PREX1: variants seen among roughly 807,000 people sequenced by gnomAD.
The protein encoded by PREX1 is phosphatidylinositol 3,4,5-trisphosphate-dependent Rac exchanger 1 protein.
A neutral mutation model predicts 198.3 loss-of-function variants in PREX1; 41 were observed. The observed-to-expected ratio is 0.21, with a 90% CI of 0.16 to 0.27. PREX1 has a LOEUF of 0.27. Ranked by LOEUF, PREX1 falls within the 10% of genes least tolerant of loss-of-function variation. The pLI is 1.00. For synonymous variants in PREX1, 843 were observed against 887.2 expected (o/e 0.95, Z 0.89); for missense variants, 1,620 against 2,200.7 (o/e 0.74, Z 5.28).
Position 48,773,246 on chromosome 20 carries a change from G to A in PREX1, c.220-25366C>T, listed in dbSNP as rs182433324. Reference sequence around the variant, plus strand: ...CACGCCACTGCACTCCAGCCTGAGTGATAGAGTGAGACTTGGTCTCAAAAA... The same window carrying A: ...CACGCCACTGCACTCCAGCCTGAGTAATAGAGTGAGACTTGGTCTCAAAAA... On this transcript the variant is annotated intron_variant, in intron 1 of 39. Transcript: ENST00000371941. Among the ~76,000 whole-genome samples the A allele has an allele frequency of 1.1e-4, 13 of 122,080 alleles. No homozygotes were observed. The East Asian group carries it at 3.2e-3, about 30-fold the overall frequency. The allele number at this position is 122,080 out of a possible 152,430, so 80.1% of individuals were successfully genotyped here.
chr20:48,729,791 A>C (rs1320103528), intron 4 of PREX1, among the ~76,000 whole-genome samples: 1 of 152,208 alleles, frequency 6.6e-6, no homozygotes, highest in African/African-American at 2.4e-5. Flanking sequence ...CAGTCGGTTG[A>C]ATGGTGTTCC....
intron 5 of PREX1, among the ~76,000 whole-genome samples, chr20:48,715,964 T>C (rs1042006223): frequency 2.0e-5 from 3 of 152,136 alleles, no homozygotes; most frequent in African/African-American, 7.2e-5. Context: ...AAAGTGGGAC[T>C]TGGCAGATGC....
At chr20:48,759,275 C>T (rs2090168290) in intron 1 of PREX1, among the ~76,000 whole-genome samples, 1 of 152,006 alleles carries the variant, frequency 6.6e-6, no homozygotes, top group South Asian at 2.1e-4. Flanking sequence ...GCAGGCCAGG[C>T]GCGGTAGCTC....
At chr20:48,669,418 T>G (rs531504832) in intron 14 of PREX1, among the ~76,000 whole-genome samples, 41 of 152,282 alleles carry the variant, frequency 2.7e-4, no homozygotes, top group Non-Finnish European at 4.7e-4. Context: ...AACTCACCCA[T>G]GTATACATTT....
chr20:48,813,309 T>C (rs1388564901), intron 1 of PREX1, among the ~76,000 whole-genome samples: 2 of 152,220 alleles, frequency 1.3e-5, no homozygotes, highest in Non-Finnish European at 2.9e-5. Flanking sequence ...GGGACAAGCA[T>C]GAGCACATCT....
chr20:48,757,666 G>A (rs2090161172), intron 1 of PREX1, among the ~76,000 whole-genome samples: 1 of 152,000 alleles, frequency 6.6e-6, no homozygotes, highest in African/African-American at 2.4e-5. Flanking sequence ...CCGGCCCCCA[G>A]GATCCAGCCA....
At chr20:48,655,247 C>A in intron 19 of PREX1, 43 bp downstream of exon 19, 1 of 1,479,500 alleles carries the variant, frequency 6.8e-7, no homozygotes, top group Admixed American at 1.9e-5. Flanking sequence ...ACAGATCCAC[C>A]ATCTTCTGCA....
upstream of PREX1, among the ~76,000 whole-genome samples, chr20:48,831,661 A>G (rs949768941): frequency 6.6e-6 from 1 of 152,242 alleles, no homozygotes; most frequent in Admixed American, 6.5e-5. Context: ...TGGTGTGTCC[A>G]GTCAAGAGCA....
At chr20:48,850,558 C>T in the PREX1 span, among the ~76,000 whole-genome samples, 1 of 152,064 alleles carries the variant, frequency 6.6e-6, no homozygotes, top group East Asian at 1.9e-4. Context: ...GCCAACTGCT[C>T]TTCTGAGAAA....
At chr20:48,757,718 G>C (rs2090161353) in intron 1 of PREX1, among the ~76,000 whole-genome samples, 2 of 152,178 alleles carry the variant, frequency 1.3e-5, no homozygotes, top group African/African-American at 2.4e-5. Context: ...TAAATGTCCA[G>C]TGAAGGGGTG....
At position 48,637,745 on chromosome 20, in the gene PREX1, C is replaced by CT; in HGVS notation, c.3911dup (p.Asn1305GlufsTer110). On this transcript the variant is annotated frameshift_variant, in exon 31 of 40. Transcript: ENST00000371941. LOFTEE classifies it high-confidence loss of function. ...TCAGCAAGGCCAGGAGCAGCTGGTT[C>CT]TTCCCATCTGGAAGGAGAAGGGAGA... 6.2e-7 allele frequency: 1 copy of CT among 1,612,284 alleles called. No homozygotes were observed. Among genetic ancestry groups the CT allele is most frequent in the Non-Finnish European group, 8.5e-7 (1 of 1,179,382 alleles).
chr20:48,663,321 A>C (rs1045608180), intron 15 of PREX1, among the ~76,000 whole-genome samples: 1 of 152,176 alleles, frequency 6.6e-6, no homozygotes, highest in East Asian at 1.9e-4. Flanking sequence ...CACGTGGCTC[A>C]CTCTGCCAAG....
intron 1 of PREX1, among the ~76,000 whole-genome samples, chr20:48,778,193 A>G (rs1248426583): frequency 1.3e-5 from 2 of 152,218 alleles, no homozygotes; most frequent in African/African-American, 2.4e-5. Context: ...CTTAATTCTA[A>G]TATGTTCATG....
At chr20:48,882,525 A>AAAAAAAAAG in the PREX1 span, among the ~76,000 whole-genome samples, 25 of 97,844 alleles carry the variant, frequency 2.6e-4, 1 homozygote, top group Admixed American at 3.9e-4. Flanking sequence ...AAAAAAAAAA[A>AAAAAAAAAG]AGAGAGAATC....
At position 48,734,528 on chromosome 20, in the gene PREX1, G is replaced by C. The variant is rs2090048620; in HGVS notation, c.519+18C>G. ...AGGCCGAGTGCAAGGGAGCACCAGG[G>C]CTGACGGGTCAACTTACCAAAAGGA... On this transcript the variant is annotated intron_variant, in intron 4 of 39. Transcript: ENST00000371941. 1 of 1,607,760 alleles carries C rather than the reference G, an allele frequency of 6.2e-7. No homozygotes were observed.
intron 5 of PREX1, among the ~76,000 whole-genome samples, chr20:48,724,115 G>A (rs143035909): frequency 2.0e-5 from 3 of 152,194 alleles, no homozygotes; most frequent in African/African-American, 7.2e-5. Context: ...CAGCACTTTG[G>A]CAGTTTAACT....
At chr20:48,652,441 A>G (rs1866738533) in intron 21 of PREX1, 145 bp downstream of exon 21, 1 of 1,209,998 alleles carries the variant, frequency 8.3e-7, no homozygotes, top group African/African-American at 1.5e-5. Context: ...ACCTGTCTCC[A>G]AAAAGGAAAA....
chr20:48,747,524 G>A (rs1455184793), intron 2 of PREX1, among the ~76,000 whole-genome samples: 8 of 152,238 alleles, frequency 5.3e-5, no homozygotes, highest in Admixed American at 5.2e-4. Context: ...CGAGGAGCCC[G>A]GAAGACTGGG....
At chr20:48,778,960 T>C (rs1415521487) in intron 1 of PREX1, among the ~76,000 whole-genome samples, 5 of 152,116 alleles carry the variant, frequency 3.3e-5, no homozygotes, top group African/African-American at 1.2e-4. Context: ...AAAGAGTTCT[T>C]AGATGTGACA....
Sources: allele counts gnomAD v4.1 joint callset (sites outside exome capture counted in the v4.1 genomes callset), GRCh38; gene constraint gnomAD v4.1.1; transcripts MANE v1.5; gene names NCBI Gene and HGNC (gene_info 2026-07-23, HGNC 2026-07-21).